ITPRID1: variants seen among roughly 807,000 people sequenced by gnomAD.
ITPRID1 encodes protein ITPRID1.
A neutral mutation model predicts 95.4 loss-of-function variants in ITPRID1; 96 were observed. That is an observed-to-expected ratio of 1.01 (90% CI 0.85 to 1.19). The LOEUF (loss-of-function observed/expected upper bound fraction) is 1.19, where lower values mean the gene tolerates loss of function less well. Ranked by LOEUF, ITPRID1 falls within the 50% of genes most tolerant of loss-of-function variation. The probability of loss-of-function intolerance (pLI) is 0.00; values close to 1 mark genes in which losing one functional copy is unlikely to be tolerated. For synonymous variants in ITPRID1, 510 were observed against 453.6 expected, an observed-to-expected ratio of 1.12 and a Z score of -1.58; for missense variants, 1,339 against 1,252.9, an observed-to-expected ratio of 1.07 and a Z score of -1.04.
downstream of ITPRID1, among the ~76,000 whole-genome samples, chr7:31,657,770 A>G (rs10487731): frequency 0.031 from 4,687 of 152,312 alleles, 263 homozygotes; most frequent in African/African-American, 0.11. Context: ...GTATCATTGT[A>G]CTAAATATTT....
intron 5 of ITPRID1, among the ~76,000 whole-genome samples, chr7:31,563,280 C>T (rs1424104138): frequency 6.6e-6 from 1 of 152,128 alleles, no homozygotes; most frequent in Non-Finnish European, 1.5e-5. Flanking sequence ...TGCAGAAAAG[C>T]ACATGGAAGG....
intron 10 of ITPRID1, among the ~76,000 whole-genome samples, chr7:31,601,513 T>TCCTA (rs1047225590): frequency 3.3e-5 from 5 of 152,114 alleles, no homozygotes; most frequent in Admixed American, 6.5e-5. Flanking sequence ...TTGCCTTGAA[T>TCCTA]CCTAGTGAGG....
intron 9 of ITPRID1, among the ~76,000 whole-genome samples, chr7:31,580,637 G>GAGAGT (rs1468905906): frequency 6.6e-6 from 1 of 151,232 alleles, no homozygotes; most frequent in Non-Finnish European, 1.5e-5. Flanking sequence ...TATTTGGGGA[G>GAGAGT]AGAGTAGAAA....
chr7:31,542,832 T>G (rs1783976233), intron 1 of ITPRID1, among the ~76,000 whole-genome samples: 1 of 152,164 alleles, frequency 6.6e-6, no homozygotes, highest in African/African-American at 2.4e-5. Context: ...TGACAACTCT[T>G]AAGACATTTC....
intron 10 of ITPRID1, among the ~76,000 whole-genome samples, chr7:31,627,659 C>CAAAAAAAAAAAAAAAAAAAAAAAA (rs3078462): frequency 1.3e-5 from 1 of 75,518 alleles, no homozygotes; most frequent in African/African-American, 5.3e-5. Context: ...GACACTGTCT[C>CAAAAAAAAAAAAAAAAAAAAAAAA]AAAAAAAAAA....
At chr7:31,633,969 G>A (rs1179057567) in intron 10 of ITPRID1, among the ~76,000 whole-genome samples, 1 of 152,066 alleles carries the variant, frequency 6.6e-6, no homozygotes, top group African/African-American at 2.4e-5. Context: ...TTTCCACCTA[G>A]AATTCAGAAG....
At chr7:31,524,590 T>C (rs911973581) in intron 1 of ITPRID1, among the ~76,000 whole-genome samples, 2 of 152,222 alleles carry the variant, frequency 1.3e-5, no homozygotes, top group African/African-American at 4.8e-5. Context: ...CTTTCATCTA[T>C]TCTGTAGAGT....
chr7:31,635,567 A>G (rs1381613364), intron 10 of ITPRID1, among the ~76,000 whole-genome samples: 1 of 152,224 alleles, frequency 6.6e-6, no homozygotes, highest in Non-Finnish European at 1.5e-5. Flanking sequence ...CAACAGTTAT[A>G]TCACAAGTAT....
chr7:31,567,073 G>A (rs1784826179), intron 5 of ITPRID1, among the ~76,000 whole-genome samples: 1 of 151,892 alleles, frequency 6.6e-6, no homozygotes. Flanking sequence ...AGATAAAGGG[G>A]AAAAAAAGAC....
In ITPRID1 at chr7:31,569,818, C is replaced by A; in HGVS notation, c.308+9C>A. 1 of 1,578,604 alleles carries A rather than the reference C, an allele frequency of 6.3e-7. No homozygotes were observed. The highest frequency in any genetic ancestry group is 1.2e-5 in the South Asian group (1 of 85,774). ...GTGAAAGACTACATGAGGTAGGTAGCAGAATCAGTGTTACTTCATGCCAAT... is the reference window on the plus strand; with the variant it reads ...GTGAAAGACTACATGAGGTAGGTAGAAGAATCAGTGTTACTTCATGCCAAT... On this transcript the variant is annotated intron_variant, in intron 6 of 14. Coordinates refer to ENST00000615280, the MANE Select transcript of ITPRID1 (RefSeq NM_001257967.3).
At chr7:31,533,487 A>G (rs1783665780) in intron 1 of ITPRID1, among the ~76,000 whole-genome samples, 1 of 152,018 alleles carries the variant, frequency 6.6e-6, no homozygotes, top group Non-Finnish European at 1.5e-5. Flanking sequence ...CACTTTTTAA[A>G]TTATTTCCTT....
chr7:31,517,122 A>C lies in ITPRID1; in HGVS notation c.-98+3002A>C, dbSNP rs1018795312. ...CATTCCCAGAGAACAAAGCAAACCT[A>C]GCAGATTTCAGGTTTTGGTTCGGGT... is the stretch of plus-strand genomic sequence containing the variant. On this transcript the variant is annotated intron_variant, in intron 1 of 14. Transcript: ENST00000615280. Among the ~76,000 whole-genome samples, 4 of 152,334 alleles carry C rather than the reference A, an allele frequency of 2.6e-5. No individual in the cohort carries two copies. The East Asian group carries it at 5.8e-4, about 22-fold the overall frequency.
chr7:31,643,164 G>A lies in ITPRID1; in HGVS notation c.1794G>A (p.Arg598=), dbSNP rs1307088853. Residue 598 remains arginine (R), a synonymous_variant, in exon 12 of 15, where the codon AGG becomes AGA. Coordinates refer to ENST00000615280, the MANE Select transcript of ITPRID1 (RefSeq NM_001257967.3). The stretch of plus-strand genomic sequence containing the variant: ...AAAGCCACCACAATGAGTCTCAAAG[G>A]TCACCTGGAAATGATCATACTCAAG... ...KVQSHHNESQ[R]SPGNDHTQDK... The A allele has an allele frequency of 1.2e-6, 2 of 1,613,902 alleles. No homozygotes were observed. The highest frequency in any genetic ancestry group is 1.7e-6 in the Non-Finnish European group (2 of 1,179,896).
intron 1 of ITPRID1, among the ~76,000 whole-genome samples, chr7:31,528,994 A>T (rs1783506896): frequency 6.6e-6 from 1 of 152,200 alleles, no homozygotes; most frequent in Non-Finnish European, 1.5e-5. Flanking sequence ...GTAACAGTGG[A>T]ATTTAATTCA....
intron 6 of ITPRID1, among the ~76,000 whole-genome samples, chr7:31,570,874 T>A (rs1583512235): frequency 6.6e-6 from 1 of 151,736 alleles, no homozygotes; most frequent in Admixed American, 6.6e-5. Flanking sequence ...AAAACTGAGG[T>A]GGGGCAATAA....
At chr7:31,555,933 T>C (rs767759083) in intron 5 of ITPRID1, among the ~76,000 whole-genome samples, 1 of 152,206 alleles carries the variant, frequency 6.6e-6, no homozygotes, top group Non-Finnish European at 1.5e-5. Flanking sequence ...TGCCAAATAC[T>C]GTAAAGATTT....
At chr7:31,614,044 G>A (rs1787001608) in intron 10 of ITPRID1, among the ~76,000 whole-genome samples, 2 of 152,184 alleles carry the variant, frequency 1.3e-5, no homozygotes, top group Admixed American at 1.3e-4. Flanking sequence ...CAACCAGCTG[G>A]TAGGCACCAG....
chr7:31,636,805 G>C (rs576288239), intron 10 of ITPRID1, among the ~76,000 whole-genome samples: 7 of 151,210 alleles, frequency 4.6e-5, no homozygotes, highest in African/African-American at 9.7e-5. Flanking sequence ...GTATACATGT[G>C]CCATGTTGGT....
chr7:31,580,377 C>G (rs1367270262), intron 9 of ITPRID1, among the ~76,000 whole-genome samples: 1 of 151,850 alleles, frequency 6.6e-6, no homozygotes, highest in Non-Finnish European at 1.5e-5. Context: ...AAACTCCAAC[C>G]CATTGTCAAG....
Sources: allele counts gnomAD v4.1 joint callset (sites outside exome capture counted in the v4.1 genomes callset), GRCh38; gene constraint gnomAD v4.1.1; transcripts MANE v1.5; gene names NCBI Gene and HGNC (gene_info 2026-07-23, HGNC 2026-07-21).